Variants in EPM2A observed in about 807,000 individuals in gnomAD.
EPM2A encodes EPM2A glucan phosphatase, laforin, also known as laforin.
EPM2A carries 21 observed loss-of-function variants against 26.5 expected under a neutral mutation model. The ratio of observed to expected loss-of-function variants is 0.79; its 90% CI spans 0.56 to 1.14. The LOEUF (loss-of-function observed/expected upper bound fraction) is 1.14. EPM2A is among the 50% of genes most tolerant of loss of function. The pLI is 0.00. For missense variants in EPM2A, 458 were observed against 440.8 expected, an observed-to-expected ratio of 1.04 and a Z score of -0.35; for synonymous variants, 217 against 177.6, an observed-to-expected ratio of 1.22 and a Z score of -1.76.
intron 4 of EPM2A, among the ~76,000 whole-genome samples, chr6:145,414,622 C>A (rs1356840174): frequency 6.6e-6 from 1 of 152,044 alleles, no homozygotes; most frequent in Non-Finnish European, 1.5e-5. Flanking sequence ...AGTCTTCAGG[C>A]AAAACTAAGG....
At chr6:145,449,235 A>C (rs543141015) in intron 4 of EPM2A, among the ~76,000 whole-genome samples, 1 of 152,312 alleles carries the variant, frequency 6.6e-6, no homozygotes, top group South Asian at 2.1e-4. Context: ...AGAAATGCCA[A>C]GTGCAAGGTT....
chr6:145,422,713 G>A (rs1480959784), intron 4 of EPM2A, among the ~76,000 whole-genome samples: 1 of 151,876 alleles, frequency 6.6e-6, no homozygotes, highest in African/African-American at 2.4e-5. Flanking sequence ...TTTTTTCTCA[G>A]TTTTATTGGC....
chr6:145,525,418 G>C lies in EPM2A; in HGVS notation c.341-22843C>G, dbSNP rs533700711. Among the ~76,000 whole-genome samples, 80 of 151,904 alleles carry C rather than the reference G, an allele frequency of 5.3e-4. 1 individual carries two copies. The South Asian group carries it at 0.016, about 31-fold the overall frequency. ...CAGTATGTCCATTTTAATGATATTG[G>C]TTCTTCCAATCCATGAGCATGGAAT... is the stretch of plus-strand genomic sequence containing the variant. On this transcript the variant is annotated intron_variant, in intron 2 of 3. Coordinates refer to the EPM2A transcript ENST00000450221.
intron 2 of EPM2A, among the ~76,000 whole-genome samples, chr6:145,590,366 G>C (rs561570695): frequency 6.6e-6 from 1 of 151,970 alleles, no homozygotes; most frequent in South Asian, 2.1e-4. Context: ...AATACACCTG[G>C]GGAAAGGGCA....
At chr6:145,398,709 CATT>C (rs1276787999) in intron 4 of EPM2A, among the ~76,000 whole-genome samples, 4 of 151,928 alleles carry the variant, frequency 2.6e-5, no homozygotes, top group Non-Finnish European at 5.9e-5. Context: ...AAAACACAAA[CATT>C]AGCTGGCTGA....
At chr6:145,510,023 C>T (rs1780032344) in intron 2 of EPM2A, among the ~76,000 whole-genome samples, 1 of 152,088 alleles carries the variant, frequency 6.6e-6, no homozygotes, top group Non-Finnish European at 1.5e-5. Context: ...TTCCGTTCAA[C>T]AAGAAGATTT....
Position 145,627,354 on chromosome 6 carries a change from T to C in EPM2A, c.*62A>G, listed in dbSNP as rs1228773637. The stretch of plus-strand genomic sequence containing the variant: ...GGTAGAATCCTTGTTTCTAGGTCAT[T>C]TGACCAACATCATCCCAGGCTCCTT... On this transcript the variant is annotated 3_prime_UTR_variant, in exon 4 of 4. Coordinates refer to ENST00000367519, the MANE Select transcript of EPM2A (RefSeq NM_005670.4). 9.9e-6 allele frequency: 16 copies of C among 1,609,566 alleles called. No homozygotes were observed. In the South Asian group the frequency reaches 1.7e-4, roughly 17 times the overall value.
chr6:145,611,040 A>G (rs1183679892), intron 2 of EPM2A, among the ~76,000 whole-genome samples: 1 of 152,214 alleles, frequency 6.6e-6, no homozygotes. Context: ...TTAACTCATG[A>G]CTAAGATTTA....
intron 4 of EPM2A, among the ~76,000 whole-genome samples, chr6:145,442,774 T>A (rs551343190): frequency 1.3e-5 from 2 of 152,200 alleles, no homozygotes; most frequent in African/African-American, 2.4e-5. Context: ...CATTGGTCTA[T>A]GTATCTGTTT....
At chr6:145,671,135 TTC>T in intron 2 of EPM2A, 1 of 996,356 alleles carries the variant, frequency 1.0e-6, no homozygotes, top group Non-Finnish European at 1.2e-6. Context: ...TCTGTGGCTA[TTC>T]TCTGTTTACT....
Position 145,626,207 on chromosome 6 carries a change from C to G in EPM2A, c.*1209G>C. On this transcript the variant is annotated 3_prime_UTR_variant, in exon 4 of 4. Transcript: ENST00000367519. The stretch of plus-strand genomic sequence containing the variant: ...CAGTTGGTTGAATGCAGGTCTGTTT[C>G]TAGGCAGCACATTTTTGAAGGCAAA... 1 of 993,368 alleles carries G rather than the reference C, an allele frequency of 1.0e-6. No individual in the cohort carries two copies. Among genetic ancestry groups the G allele is most frequent in the Middle Eastern group, 5.2e-4 (1 of 1,928 alleles). The allele number at this position is 993,368 out of a possible 1,614,324, so 61.5% of individuals were successfully genotyped here. A position where few individuals can be genotyped will look rare whatever the true frequency, so the allele number is the denominator to read the frequency against.
At chr6:145,718,847 A>G (rs898738259) in intron 1 of EPM2A, among the ~76,000 whole-genome samples, 1 of 152,220 alleles carries the variant, frequency 6.6e-6, no homozygotes, top group Non-Finnish European at 1.5e-5. Context: ...GAAGACATTT[A>G]TGCAGCCAAA....
chr6:145,482,231 A>G (rs1437556383), intron 4 of EPM2A, among the ~76,000 whole-genome samples: 2 of 152,192 alleles, frequency 1.3e-5, no homozygotes, highest in Non-Finnish European at 2.9e-5. Context: ...ATAATAAATT[A>G]TATCGTTAGT....
intron 1 of EPM2A, among the ~76,000 whole-genome samples, chr6:145,714,671 G>T (rs533441926): frequency 4.6e-4 from 70 of 152,328 alleles, no homozygotes; most frequent in Non-Finnish European, 8.2e-4. Context: ...TCACAATCAT[G>T]GCAGAAGGCA....
chr6:145,706,379 G>A (rs952470999), intron 1 of EPM2A, among the ~76,000 whole-genome samples: 1 of 152,198 alleles, frequency 6.6e-6, no homozygotes, highest in Non-Finnish European at 1.5e-5. Context: ...AACAAAGCCA[G>A]AAAGTGCACT....
At chr6:145,453,740 AATT>A (rs1204393099) in intron 4 of EPM2A, among the ~76,000 whole-genome samples, 1 of 152,182 alleles carries the variant, frequency 6.6e-6, no homozygotes, top group Non-Finnish European at 1.5e-5. Flanking sequence ...ATGGCTTCAT[AATT>A]ATTACCTAAA....
chr6:145,624,775 C>T (rs987862650), downstream of EPM2A, among the ~76,000 whole-genome samples: 8 of 152,212 alleles, frequency 5.3e-5, no homozygotes, highest in Non-Finnish European at 1.0e-4. Flanking sequence ...ACTTTCTTAT[C>T]ATTTCCAAAG....
At position 145,583,937 on chromosome 6, in the gene EPM2A, T is replaced by TG. The variant is rs371732498; in HGVS notation, c.340+51307dup. On this transcript the variant is annotated intron_variant, in intron 2 of 3. Coordinates refer to the EPM2A transcript ENST00000450221. ...TGCTGGTGCAGAGCAGGCAGGGTGG[T>TG]GGGGGGGTGAGGTTCAGTGTCTGTG... Among the ~76,000 whole-genome samples the TG allele has an allele frequency of 5.4e-3, 814 of 151,862 alleles. 4 individuals are homozygous for TG. The highest frequency in any genetic ancestry group is 0.018 in the African/African-American group (759 of 41,404).
chr6:145,398,744 C>CCACCCAAGTAGCTTGT (rs1778441326), intron 4 of EPM2A, among the ~76,000 whole-genome samples: 2 of 151,866 alleles, frequency 1.3e-5, no homozygotes, highest in South Asian at 4.2e-4. Flanking sequence ...CTTGTAGTCC[C>CCACCCAAGTAGCTTGT]AGCTACTTGG....
Sources: allele counts gnomAD v4.1 joint callset (sites outside exome capture counted in the v4.1 genomes callset), GRCh38; gene constraint gnomAD v4.1.1; transcripts MANE v1.5; gene names NCBI Gene and HGNC (gene_info 2026-07-23, HGNC 2026-07-21).